The following ITGA8 variants were observed in gnomAD, a reference collection of about 807,000 sequenced individuals.
ITGA8 encodes the protein integrin alpha-8.
A neutral mutation model predicts 142.3 loss-of-function variants in ITGA8; 91 were observed. The observed-to-expected ratio is 0.64, with a 90% CI of 0.54 to 0.76. The LOEUF (loss-of-function observed/expected upper bound fraction) is 0.76. Ranked by LOEUF, ITGA8 falls within the 30% of genes least tolerant of loss-of-function variation. The pLI, the probability that ITGA8 is intolerant of heterozygous loss-of-function variation, is 0.00. For missense variants in ITGA8, 1,406 were observed against 1,327.7 expected, an observed-to-expected ratio of 1.06 and a Z score of -0.92; for synonymous variants, 505 against 485.2, an observed-to-expected ratio of 1.04 and a Z score of -0.54.
At chr10:15,649,321 GAAAAT>G (rs1278897261) in intron 11 of ITGA8, among the ~76,000 whole-genome samples, 4 of 151,766 alleles carry the variant, frequency 2.6e-5, no homozygotes, top group Non-Finnish European at 5.9e-5. Flanking sequence ...TATACAATAA[GAAAAT>G]AAGCCAATTA....
chr10:15,649,880 C>G (rs11592778), intron 11 of ITGA8, among the ~76,000 whole-genome samples: 1 of 152,174 alleles, frequency 6.6e-6, no homozygotes, highest in Admixed American at 6.5e-5. Flanking sequence ...GGAAGACAGT[C>G]TAGCAGTTTC....
intron 2 of ITGA8, among the ~76,000 whole-genome samples, chr10:15,702,091 A>G (rs1214123848): frequency 1.3e-5 from 2 of 151,930 alleles, no homozygotes; most frequent in Non-Finnish European, 2.9e-5. Flanking sequence ...CTCCAAAACC[A>G]CTCTGAAAAA....
intron 2 of ITGA8, among the ~76,000 whole-genome samples, chr10:15,694,019 G>T (rs996547539): frequency 6.0e-5 from 9 of 150,618 alleles, no homozygotes; most frequent in African/African-American, 2.2e-4. Context: ...CAGAGATCTT[G>T]CAGCGTTACA....
intron 28 of ITGA8, among the ~76,000 whole-genome samples, chr10:15,521,963 G>C (rs1399218976): frequency 1.3e-5 from 2 of 152,208 alleles, no homozygotes; most frequent in Non-Finnish European, 2.9e-5. Flanking sequence ...AGTGGGGAGG[G>C]CTGGATGAAC....
intron 23 of ITGA8, among the ~76,000 whole-genome samples, chr10:15,583,534 A>T (rs942814070): frequency 5.3e-5 from 8 of 152,178 alleles, no homozygotes; most frequent in African/African-American, 7.2e-5. Flanking sequence ...TATATATATA[A>T]AAAGAAACTG....
chr10:15,678,184 A>G (rs1479090924), intron 5 of ITGA8, among the ~76,000 whole-genome samples: 1 of 101,176 alleles, frequency 9.9e-6, no homozygotes, highest in African/African-American at 3.1e-5. Context: ...ATAAAAACAA[A>G]AAAGTAATGA....
At chr10:15,672,421 A>T (rs1472594571) in intron 7 of ITGA8, among the ~76,000 whole-genome samples, 1 of 152,210 alleles carries the variant, frequency 6.6e-6, no homozygotes, top group African/African-American at 2.4e-5. Context: ...AGCCAACAAA[A>T]TAGCTGCTCA....
chr10:15,601,541 G>T (rs775812622), intron 20 of ITGA8, among the ~76,000 whole-genome samples: 1 of 152,062 alleles, frequency 6.6e-6, no homozygotes, highest in Non-Finnish European at 1.5e-5. Flanking sequence ...ACTGAACTGC[G>T]CACTTGAAAA....
intron 6 of ITGA8, among the ~76,000 whole-genome samples, chr10:15,675,487 C>T (rs10752026): frequency 0.81 from 122,566 of 152,134 alleles, 50,235 homozygotes; most frequent in Middle Eastern, 0.9. Flanking sequence ...GTCAGTACCA[C>T]CATCGCTCTA....
Position 15,644,475 on chromosome 10 carries a change from T to C in ITGA8, c.1208-254A>G, listed in dbSNP as rs1428139821. ...ATATATATATATATATATATATATA[T>C]ATATATATATATATATAGAATTTTT... On this transcript the variant is annotated intron_variant, in intron 12 of 29. Transcript: ENST00000378076. 1.3e-3 allele frequency among the ~76,000 whole-genome samples: 31 copies of C among 23,718 alleles called. 4 individuals carry two copies. In the East Asian group the frequency reaches 0.053, roughly 40 times the overall value. The allele number at this position is 23,718 out of a possible 152,430, so 15.6% of individuals were successfully genotyped here.
chr10:15,627,201 G>A (rs138492061), intron 13 of ITGA8, among the ~76,000 whole-genome samples: 194 of 152,280 alleles, frequency 1.3e-3, no homozygotes, highest in African/African-American at 4.2e-3. Flanking sequence ...GTCCCTGGGT[G>A]GGACCTACTT....
At chr10:15,592,654 G>A (rs1438546290) in intron 21 of ITGA8, among the ~76,000 whole-genome samples, 1 of 152,214 alleles carries the variant, frequency 6.6e-6, no homozygotes, top group East Asian at 1.9e-4. Flanking sequence ...ACCCAGGCTG[G>A]AGTGCATTAG....
chr10:15,585,727 C>A (rs558274276), intron 23 of ITGA8, among the ~76,000 whole-genome samples: 4 of 152,286 alleles, frequency 2.6e-5, no homozygotes, highest in South Asian at 4.2e-4. Flanking sequence ...TTCCCCCAGG[C>A]ATGGATTTTG....
intron 3 of ITGA8, among the ~76,000 whole-genome samples, chr10:15,687,255 G>A (rs1318333002): frequency 6.6e-6 from 1 of 151,882 alleles, no homozygotes; most frequent in African/African-American, 2.4e-5. Flanking sequence ...AAAAGCCAAA[G>A]TTATTGCTTT....
intron 23 of ITGA8, among the ~76,000 whole-genome samples, chr10:15,583,019 T>C (rs1326406194): frequency 3.3e-5 from 5 of 152,170 alleles, no homozygotes; most frequent in African/African-American, 1.2e-4. Context: ...CACCAATGAG[T>C]GAATGGATGA....
At chr10:15,529,609 G>A (rs1437267831) in intron 28 of ITGA8, among the ~76,000 whole-genome samples, 2 of 152,166 alleles carry the variant, frequency 1.3e-5, no homozygotes, top group Non-Finnish European at 2.9e-5. Flanking sequence ...GAATATTTGG[G>A]GAGAAGTCTT....
intron 14 of ITGA8, among the ~76,000 whole-genome samples, chr10:15,614,924 G>A (rs1833365886): frequency 6.6e-6 from 1 of 152,182 alleles, no homozygotes; most frequent in African/African-American, 2.4e-5. Flanking sequence ...AAACACTTAT[G>A]AGGAAAAGTG....
chr10:15,517,110 T>C lies in ITGA8; in HGVS notation c.*48A>G, dbSNP rs1200446138. 7.3e-7 allele frequency: 1 copy of C among 1,367,640 alleles called. No homozygotes were observed. Among genetic ancestry groups the C allele is most frequent in the Non-Finnish European group, 1.0e-6 (1 of 979,154 alleles). The allele number at this position is 1,367,640 out of a possible 1,614,324, so 84.7% of individuals were successfully genotyped here. A position where few individuals can be genotyped will look rare whatever the true frequency, so the allele number is the denominator to read the frequency against. On this transcript the variant is annotated 3_prime_UTR_variant, in exon 30 of 30. Transcript: ENST00000378076. Reference sequence around the variant, plus strand: ...TAACCCTCATGTTCTTTCTTTTTCTTTGAACAGGACCAGTGTTTGAGGTCT... The same window carrying C: ...TAACCCTCATGTTCTTTCTTTTTCTCTGAACAGGACCAGTGTTTGAGGTCT...
intron 13 of ITGA8, among the ~76,000 whole-genome samples, chr10:15,643,388 T>C (rs1397689381): frequency 6.6e-6 from 1 of 152,194 alleles, no homozygotes; most frequent in African/African-American, 2.4e-5. Context: ...CAGGTGATTC[T>C]TGTGCCTCAG....
Sources: allele counts gnomAD v4.1 joint callset (sites outside exome capture counted in the v4.1 genomes callset), GRCh38; gene constraint gnomAD v4.1.1; transcripts MANE v1.5; gene names NCBI Gene and HGNC (gene_info 2026-07-23, HGNC 2026-07-21).